Variants in MYRIP observed in about 807,000 individuals in gnomAD.
MYRIP encodes the protein myosin VIIA and Rab interacting protein.
A neutral mutation model predicts 98.0 loss-of-function variants in MYRIP; 49 were observed. The observed-to-expected ratio is 0.50, with a 90% CI of 0.40 to 0.63. The LOEUF is 0.63. MYRIP is among the 30% of genes least tolerant of loss of function. The pLI is 0.00. For missense variants in MYRIP, 1,004 were observed against 1,058.2 expected, an observed-to-expected ratio of 0.95 and a Z score of 0.71; for synonymous variants, 404 against 409.5, an observed-to-expected ratio of 0.99 and a Z score of 0.16.
At chr3:39,957,930 T>G (rs1004694577) in intron 2 of MYRIP, among the ~76,000 whole-genome samples, 3 of 152,160 alleles carry the variant, frequency 2.0e-5, no homozygotes, top group African/African-American at 7.2e-5. Context: ...CCATTCACAA[T>G]TACTTCAAAG....
At chr3:40,058,300 C>A (rs1007211912) in intron 3 of MYRIP, among the ~76,000 whole-genome samples, 2 of 152,098 alleles carry the variant, frequency 1.3e-5, no homozygotes, top group African/African-American at 4.8e-5. Context: ...AGACTCAAGT[C>A]ATCATCTAAT....
intron 3 of MYRIP, among the ~76,000 whole-genome samples, chr3:40,063,879 G>A (rs143052053): frequency 1.8e-4 from 28 of 152,220 alleles, no homozygotes; most frequent in Admixed American, 9.2e-4. Flanking sequence ...GTGCTCTGCC[G>A]GAGATTGCAA....
chr3:39,829,234 T>C (rs1263932530), intron 1 of MYRIP, among the ~76,000 whole-genome samples: 1 of 152,212 alleles, frequency 6.6e-6, no homozygotes, highest in East Asian at 1.9e-4. Context: ...GTCAGTATGA[T>C]TGAGATCTTT....
intron 2 of MYRIP, among the ~76,000 whole-genome samples, chr3:39,983,546 T>C (rs1030932876): frequency 6.6e-6 from 1 of 152,206 alleles, no homozygotes; most frequent in African/African-American, 2.4e-5. Context: ...TGATCTATTC[T>C]ATTTACTTAT....
chr3:39,953,198 T>C (rs1945070357), intron 2 of MYRIP, among the ~76,000 whole-genome samples: 1 of 152,150 alleles, frequency 6.6e-6, no homozygotes, highest in South Asian at 2.1e-4. Flanking sequence ...TGGGGATGTG[T>C]TGGAGATAAT....
intron 4 of MYRIP, among the ~76,000 whole-genome samples, chr3:40,161,385 C>T (rs1575587364): frequency 1.3e-5 from 2 of 152,158 alleles, no homozygotes. Flanking sequence ...TCACATCTCC[C>T]CTGTCCTTAT....
chr3:40,230,177 C>G (rs936182772), intron 11 of MYRIP, among the ~76,000 whole-genome samples: 1 of 152,142 alleles, frequency 6.6e-6, no homozygotes, highest in Admixed American at 6.6e-5. Context: ...TACCATAAAA[C>G]CCATATTTGA....
At position 40,084,771 on chromosome 3, in the gene MYRIP, A is replaced by AATATGTATCTATGTGTTACATGTCGATAG. The variant is rs1559394143; in HGVS notation, c.332+40504_332+40505insGTATCTATGTGTTACATGTCGATAGATAT. On this transcript the variant is annotated intron_variant, in intron 3 of 16. Transcript: ENST00000302541. The stretch of plus-strand genomic sequence containing the variant: ...ATCTATGTGTTACATGTCGATAGAT[A>AATATGTATCTATGTGTTACATGTCGATAG]ATATATATGTGTTACATGTCGATAG... 3.1e-4 allele frequency among the ~76,000 whole-genome samples: 15 copies of AATATGTATCTATGTGTTACATGTCGATAG among 48,442 alleles called. 6 individuals are homozygous for AATATGTATCTATGTGTTACATGTCGATAG. The highest frequency in any genetic ancestry group is 7.1e-4 in the Non-Finnish European group (14 of 19,598). The allele number at this position is 48,442 out of a possible 152,430, so 31.8% of individuals were successfully genotyped here.
chr3:39,826,831 A>G (rs1218935875), intron 1 of MYRIP, among the ~76,000 whole-genome samples: 1 of 152,158 alleles, frequency 6.6e-6, no homozygotes, highest in Non-Finnish European at 1.5e-5. Flanking sequence ...TATTGGTTGC[A>G]TATATATTTA....
chr3:40,221,042 CAAAAAA>C (rs150976340), intron 11 of MYRIP, among the ~76,000 whole-genome samples: 10 of 61,598 alleles, frequency 1.6e-4, no homozygotes, highest in Non-Finnish European at 2.5e-4. Context: ...GGCAAGTCAC[CAAAAAA>C]AAAAAAAAAA....
intron 3 of MYRIP, among the ~76,000 whole-genome samples, chr3:40,082,394 C>T (rs1025275102): frequency 2.0e-5 from 3 of 152,202 alleles, no homozygotes; most frequent in African/African-American, 7.2e-5. Context: ...GAAATCAGTG[C>T]TCCCTGCCAG....
intron 3 of MYRIP, among the ~76,000 whole-genome samples, chr3:40,054,621 T>C (rs1260571233): frequency 6.6e-6 from 1 of 152,176 alleles, no homozygotes; most frequent in Non-Finnish European, 1.5e-5. Flanking sequence ...TTCCCAAAGA[T>C]GAGGGAATTC....
chr3:39,933,227 T>A (rs1468516240), intron 2 of MYRIP, among the ~76,000 whole-genome samples: 1 of 152,210 alleles, frequency 6.6e-6, no homozygotes, highest in Non-Finnish European at 1.5e-5. Flanking sequence ...GTAAATAAAC[T>A]TTTATTGGAA....
At chr3:40,115,846 T>G (rs1372290301) in intron 3 of MYRIP, among the ~76,000 whole-genome samples, 1 of 152,050 alleles carries the variant, frequency 6.6e-6, no homozygotes, top group African/African-American at 2.4e-5. Flanking sequence ...TGTCACGATT[T>G]TATTATGGAG....
chr3:40,212,841 C>T (rs961708910), intron 11 of MYRIP, among the ~76,000 whole-genome samples: 2 of 151,832 alleles, frequency 1.3e-5, no homozygotes, highest in Non-Finnish European at 2.9e-5. Context: ...TGACTTGAAC[C>T]CAGGAGGTTG....
chr3:40,187,468 T>G (rs1951070345), intron 9 of MYRIP, among the ~76,000 whole-genome samples: 1 of 152,238 alleles, frequency 6.6e-6, no homozygotes, highest in Non-Finnish European at 1.5e-5. Flanking sequence ...TGAGCAGGCA[T>G]GTGTAACACA....
At chr3:39,965,106 C>G (rs1193273489) in intron 2 of MYRIP, among the ~76,000 whole-genome samples, 3 of 151,964 alleles carry the variant, frequency 2.0e-5, no homozygotes, top group African/African-American at 7.2e-5. Flanking sequence ...ATAATTTTTT[C>G]TCCATGTCTT....
At chr3:39,933,642 C>T (rs1431617778) in intron 2 of MYRIP, among the ~76,000 whole-genome samples, 1 of 152,180 alleles carries the variant, frequency 6.6e-6, no homozygotes, top group Non-Finnish European at 1.5e-5. Context: ...ATCTCATAAA[C>T]TTGACCTTCA....
intron 11 of MYRIP, among the ~76,000 whole-genome samples, chr3:40,218,611 T>A (rs62261838): frequency 0.027 from 29 of 1,064 alleles, no homozygotes; most frequent in Admixed American, 0.05. Flanking sequence ...ATATATATAT[T>A]TTATATATAT....
Sources: allele counts gnomAD v4.1 joint callset (sites outside exome capture counted in the v4.1 genomes callset), GRCh38; gene constraint gnomAD v4.1.1; transcripts MANE v1.5; gene names NCBI Gene and HGNC (gene_info 2026-07-23, HGNC 2026-07-21).